Variants in EVI5 observed in about 807,000 individuals in gnomAD.
The protein encoded by EVI5 is ecotropic viral integration site 5, also known as ecotropic viral integration site 5 protein homolog.
EVI5 carries 73 observed loss-of-function variants against 112.0 expected under a neutral mutation model. The ratio of observed to expected loss-of-function variants is 0.65; its 90% CI spans 0.54 to 0.79. EVI5 has a LOEUF of 0.79. EVI5 is among the 30% of genes least tolerant of loss of function. The pLI is 0.00. For missense variants in EVI5, 900 were observed against 968.8 expected (o/e 0.93, Z 0.94); for synonymous variants, 305 against 319.9 (o/e 0.95, Z 0.50).
intron 1 of EVI5, among the ~76,000 whole-genome samples, chr1:92,760,076 T>A (rs1239186182): frequency 6.6e-6 from 1 of 152,232 alleles, no homozygotes; most frequent in East Asian, 1.9e-4. Context: ...TATAAGACAT[T>A]AACTTTGTGA....
At chr1:92,568,372 T>TA (rs1669813363) in intron 18 of EVI5, among the ~76,000 whole-genome samples, 1 of 16,258 alleles carries the variant, frequency 6.2e-5, no homozygotes, top group African/African-American at 1.1e-4. Context: ...AAAACCTATC[T>TA]TAAAAAAAAA....
intron 19 of EVI5, among the ~76,000 whole-genome samples, chr1:92,546,268 C>G (rs368423524): frequency 3.9e-5 from 6 of 152,176 alleles, no homozygotes; most frequent in Admixed American, 3.9e-4. Context: ...CCCAGCTAAT[C>G]AGTGACAAAG....
intron 3 of EVI5, 67 bp downstream of exon 3, chr1:92,704,488 C>T: frequency 9.9e-7 from 1 of 1,014,988 alleles, no homozygotes; most frequent in Non-Finnish European, 1.4e-6. Flanking sequence ...TTTTCCCAAT[C>T]CTCTATTAAG....
chr1:92,561,793 T>A (rs575724856), intron 19 of EVI5, among the ~76,000 whole-genome samples: 1 of 152,102 alleles, frequency 6.6e-6, no homozygotes, highest in South Asian at 2.1e-4. Context: ...CACACCACCA[T>A]GCCTGGCTAA....
At chr1:92,617,134 G>A (rs1165809649) in intron 16 of EVI5, among the ~76,000 whole-genome samples, 2 of 152,216 alleles carry the variant, frequency 1.3e-5, no homozygotes, top group African/African-American at 4.8e-5. Flanking sequence ...ACCTGAAAGT[G>A]GACAGCCACA....
intron 19 of EVI5, among the ~76,000 whole-genome samples, chr1:92,531,813 A>G (rs4970701): frequency 0.85 from 129,616 of 152,172 alleles, 55,583 homozygotes; most frequent in East Asian, 0.97. Context: ...AGGATCAGCC[A>G]GTACCAGCCA....
intron 1 of EVI5, among the ~76,000 whole-genome samples, chr1:92,781,341 T>C (rs1188940630): frequency 6.6e-6 from 1 of 151,754 alleles, no homozygotes; most frequent in Non-Finnish European, 1.5e-5. Flanking sequence ...ACCCTGACTC[T>C]ACAAAACATA....
chr1:92,756,835 G>A, intron 1 of EVI5: 4 of 504,562 alleles, frequency 7.9e-6, no homozygotes, highest in South Asian at 6.0e-5. Context: ...CATGCGCACT[G>A]GTATTGGGCT....
At chr1:92,659,505 C>T (rs531748452) in intron 13 of EVI5, among the ~76,000 whole-genome samples, 4 of 151,972 alleles carry the variant, frequency 2.6e-5, no homozygotes, top group African/African-American at 9.7e-5. Context: ...AAATGCTCAA[C>T]ATCACTATCA....
Position 92,762,171 on chromosome 1 carries a change from A to G in EVI5, c.-82+22665T>C, listed in dbSNP as rs554061590. Among the ~76,000 whole-genome samples, 7 of 152,366 alleles carry G rather than the reference A, an allele frequency of 4.6e-5. No individual in the cohort carries two copies. The East Asian group carries it at 1.3e-3, about 29-fold the overall frequency. On this transcript the variant is annotated intron_variant, in intron 1 of 19. Coordinates refer to ENST00000684568, the MANE Select transcript of EVI5 (RefSeq NM_001350197.2). ...TAACACGACAATTATCTTTTCTTAG[A>G]TGTCTATATGGCATGTTTCTCCAAG...
At position 92,731,334 on chromosome 1, in the gene EVI5, G is replaced by A. The variant is rs565438758; in HGVS notation, c.149+5064C>T. On this transcript the variant is annotated intron_variant, in intron 2 of 19. Coordinates refer to ENST00000684568, the MANE Select transcript of EVI5 (RefSeq NM_001350197.2). ...GCCCCATTTCAAAAAAACAAAAAAAGAAATACAATTGTATTTTCTTTTTAA... is the reference window on the plus strand; with the variant it reads ...GCCCCATTTCAAAAAAACAAAAAAAAAAATACAATTGTATTTTCTTTTTAA... Among the ~76,000 whole-genome samples the A allele has an allele frequency of 3.3e-5, 5 of 152,148 alleles. No homozygotes were observed. The South Asian group carries it at 1.0e-3, about 32-fold the overall frequency.
intron 13 of EVI5, among the ~76,000 whole-genome samples, chr1:92,655,535 G>T (rs115731015): frequency 6.2e-4 from 94 of 152,060 alleles, no homozygotes; most frequent in African/African-American, 2.2e-3. Flanking sequence ...ACAGACAAAA[G>T]TATAAAACTT....
At chr1:92,659,303 A>C (rs1663566263) in intron 13 of EVI5, among the ~76,000 whole-genome samples, 1 of 152,184 alleles carries the variant, frequency 6.6e-6, no homozygotes, top group South Asian at 2.1e-4. Context: ...TAATCAACAG[A>C]GTGAATAGAC....
chr1:92,669,929 T>C (rs1055668700), intron 10 of EVI5, among the ~76,000 whole-genome samples: 1 of 151,726 alleles, frequency 6.6e-6, no homozygotes, highest in African/African-American at 2.4e-5. Context: ...ATCTTGTACA[T>C]TGAAAAAGAA....
intron 16 of EVI5, among the ~76,000 whole-genome samples, chr1:92,609,060 T>A (rs2101619005): frequency 6.6e-6 from 1 of 152,280 alleles, no homozygotes; most frequent in East Asian, 1.9e-4. Context: ...TAAAAAAACA[T>A]ATAGACCTTG....
At chr1:92,657,882 AG>A (rs1332164642) in intron 13 of EVI5, among the ~76,000 whole-genome samples, 1 of 152,100 alleles carries the variant, frequency 6.6e-6, no homozygotes, top group Non-Finnish European at 1.5e-5. Context: ...GGAGCAAGAG[AG>A]TAGGGGAGGG....
intron 1 of EVI5, chr1:92,749,066 CAAAAA>C (rs60282362): frequency 5.7e-4 from 60 of 104,490 alleles, no homozygotes; most frequent in East Asian, 1.1e-3. Flanking sequence ...AACTCTGTCT[CAAAAA>C]AAAAAAAAAA....
At chr1:92,584,753 A>G (rs555050224) in intron 18 of EVI5, among the ~76,000 whole-genome samples, 1 of 152,376 alleles carries the variant, frequency 6.6e-6, no homozygotes, top group East Asian at 1.9e-4. Context: ...AGTAATTAGA[A>G]AAAGTAAAAG....
intron 1 of EVI5, among the ~76,000 whole-genome samples, chr1:92,759,354 G>T (rs1681452445): frequency 6.6e-6 from 1 of 151,746 alleles, no homozygotes; most frequent in South Asian, 2.1e-4. Flanking sequence ...TACTTTTTTT[G>T]AAAAAATGAT....
Sources: allele counts gnomAD v4.1 joint callset (sites outside exome capture counted in the v4.1 genomes callset), GRCh38; gene constraint gnomAD v4.1.1; transcripts MANE v1.5; gene names NCBI Gene and HGNC (gene_info 2026-07-23, HGNC 2026-07-21).